The following RNF32 variants were observed in gnomAD, a reference collection of about 807,000 sequenced individuals.
The protein encoded by RNF32 is ring finger protein 32.
RNF32 carries 36 observed loss-of-function variants against 41.0 expected under a neutral mutation model. The ratio of observed to expected loss-of-function variants is 0.88; its 90% CI spans 0.67 to 1.16. RNF32 has a LOEUF of 1.16. Among genes scored for constraint, RNF32 ranks in the 50% most tolerant of loss-of-function variants. The probability of loss-of-function intolerance (pLI) is 0.00; values close to 1 mark genes in which losing one functional copy is unlikely to be tolerated. For synonymous variants in RNF32, 154 were observed against 160.9 expected (o/e 0.96, Z 0.32); for missense variants, 413 against 436.7 (o/e 0.95, Z 0.48).
rs57235616 is a variant in RNF32, at chr7:156,655,239, G to GCACA, written c.417+542_417+545dup. 1.2e-3 allele frequency among the ~76,000 whole-genome samples: 172 copies of GCACA among 148,608 alleles called. 1 individual carries two copies. The South Asian group carries it at 0.019, about 17-fold the overall frequency. On this transcript the variant is annotated intron_variant, in intron 4 of 8. Transcript: ENST00000317955. The stretch of plus-strand genomic sequence containing the variant: ...GTTAACAGATAATATACACGCGCGC[G>GCACA]CACACACACACACACACACACACAG...
chr7:156,665,464 G>C (rs1424118429), intron 7 of RNF32, among the ~76,000 whole-genome samples: 1 of 152,152 alleles, frequency 6.6e-6, no homozygotes, highest in East Asian at 1.9e-4. Flanking sequence ...TTAATGATCT[G>C]GGGAACAACA....
intron 7 of RNF32, among the ~76,000 whole-genome samples, chr7:156,662,279 C>T (rs952115173): frequency 6.6e-6 from 1 of 152,166 alleles, no homozygotes; most frequent in Non-Finnish European, 1.5e-5. Flanking sequence ...TAAACTCATT[C>T]TGTGAGCGAT....
At chr7:156,660,511 AGTT>A (rs1270246347) in intron 7 of RNF32, among the ~76,000 whole-genome samples, 1 of 152,056 alleles carries the variant, frequency 6.6e-6, no homozygotes, top group East Asian at 1.9e-4. Context: ...AAACTGTATA[AGTT>A]GTTTTTTATT....
intron 7 of RNF32, among the ~76,000 whole-genome samples, chr7:156,660,721 TGTAAA>T (rs1257014957): frequency 2.6e-5 from 4 of 152,292 alleles, no homozygotes; most frequent in South Asian, 2.1e-4. Context: ...AACCAAACTC[TGTAAA>T]GTATTTTAAA....
chr7:156,641,880 G>C (rs1193255817), intron 1 of RNF32, among the ~76,000 whole-genome samples: 1 of 152,140 alleles, frequency 6.6e-6, no homozygotes, highest in Non-Finnish European at 1.5e-5. Context: ...AACATCTCTT[G>C]ATGCCAGAAT....
At position 156,670,166 on chromosome 7, in the gene RNF32, G is replaced by A. The variant is rs1420102978; in HGVS notation, c.685-5530G>A. ...ATATTAGAGCATTTAAGTCATACGT[G>A]GAATCACCAAAAGCACACAATTCGT... On this transcript the variant is annotated intron_variant, in intron 7 of 8. Coordinates refer to ENST00000317955, the MANE Select transcript of RNF32 (RefSeq NM_030936.4). This position sits in a 1 kb window ranked among gnomAD's most constrained non-coding sequence, Gnocchi z 4.3. Among the ~76,000 whole-genome samples, 1 of 152,196 alleles carries A rather than the reference G, an allele frequency of 6.6e-6. No homozygotes were observed. Among genetic ancestry groups the A allele is most frequent in the East Asian group, 1.9e-4 (1 of 5,204 alleles).
chr7:156,671,339 A>T (rs187025331), intron 7 of RNF32, among the ~76,000 whole-genome samples: 12 of 152,292 alleles, frequency 7.9e-5, no homozygotes, highest in East Asian at 3.9e-4. Flanking sequence ...TGTGTGTGTG[A>T]GTGTGGTAAC....
intron 3 of RNF32, among the ~76,000 whole-genome samples, chr7:156,650,526 C>T (rs1798577964): frequency 6.6e-6 from 1 of 152,230 alleles, no homozygotes; most frequent in African/African-American, 2.4e-5. Context: ...CCAGAGAGCA[C>T]AGCAGTTTGC....
At chr7:156,654,461 T>C (rs1799288520) in intron 3 of RNF32, 115 bp from the exon 4 acceptor site, 1 of 812,500 alleles carries the variant, frequency 1.2e-6, no homozygotes, top group African/African-American at 1.7e-5. Flanking sequence ...AAATAAAGTA[T>C]GTGATCTATA....
At chr7:156,655,763 A>C (rs375280692) in intron 4 of RNF32, among the ~76,000 whole-genome samples, 1 of 152,120 alleles carries the variant, frequency 6.6e-6, no homozygotes, top group East Asian at 2.0e-4. Context: ...TTTAGCCCTG[A>C]AACCACAAAT....
At chr7:156,642,724 C>T (rs896883383) in intron 1 of RNF32, among the ~76,000 whole-genome samples, 4 of 152,198 alleles carry the variant, frequency 2.6e-5, no homozygotes, top group Non-Finnish European at 5.9e-5. Flanking sequence ...CACTCACACT[C>T]ACTCAGACGG....
intron 4 of RNF32, 119 bp from the exon 5 acceptor site, chr7:156,657,422 A>T (rs1799881412): frequency 3.3e-6 from 3 of 920,776 alleles, no homozygotes; most frequent in Non-Finnish European, 5.4e-6. Flanking sequence ...CAAAGTTATT[A>T]ATTTGCTTTT....
intron 5 of RNF32, 80 bp downstream of exon 5, chr7:156,657,653 C>T (rs1799927656): frequency 1.5e-6 from 2 of 1,374,346 alleles, no homozygotes; most frequent in South Asian, 2.3e-5. Context: ...ATTTTCAAGG[C>T]TCCTAAGGAG....
At chr7:156,672,999 G>A (rs181407905) in intron 7 of RNF32, among the ~76,000 whole-genome samples, 1 of 152,340 alleles carries the variant, frequency 6.6e-6, no homozygotes, top group African/African-American at 2.4e-5. Context: ...GCAGGCCCGG[G>A]GCAAAGCCTG....
chr7:156,675,682 CGCCT>C lies in RNF32; in HGVS notation c.685-13_685-10del, dbSNP rs1563103777. The stretch of plus-strand genomic sequence containing the variant: ...GCTCAGGTGTGAGCTTACCCGCCCC[CGCCT>C]CCTCCTCAGTTCACAGAAATCAGCC... On this transcript the variant is annotated splice_polypyrimidine_tract_variant and intron_variant, in intron 7 of 8. Coordinates refer to ENST00000317955, the MANE Select transcript of RNF32 (RefSeq NM_030936.4). The C allele has an allele frequency of 1.2e-6, 2 of 1,600,624 alleles. No individual in the cohort carries two copies. The highest frequency in any genetic ancestry group is 1.3e-5 in the African/African-American group (1 of 74,604).
At position 156,674,601 on chromosome 7, in the gene RNF32, G is replaced by A. The variant is rs143510435; in HGVS notation, c.685-1095G>A. 3.3e-5 allele frequency among the ~76,000 whole-genome samples: 5 copies of A among 152,262 alleles called. No homozygotes were observed. The East Asian group carries it at 5.8e-4, about 18-fold the overall frequency. On this transcript the variant is annotated intron_variant, in intron 7 of 8. Coordinates refer to ENST00000317955, the MANE Select transcript of RNF32 (RefSeq NM_030936.4). ...TTCTAGTGTAGGATGGCTTGAGCCC[G>A]GGAGGCCGAGGCTGAGTGAGCATTG...
chr7:156,661,684 C>T (rs142844307), intron 7 of RNF32, among the ~76,000 whole-genome samples: 98 of 152,350 alleles, frequency 6.4e-4, no homozygotes, highest in African/African-American at 2.3e-3. Context: ...AGAAACGTAA[C>T]TTTCGCAAAG....
intron 6 of RNF32, 50 bp downstream of exon 6, chr7:156,658,302 G>C: frequency 6.2e-7 from 1 of 1,600,262 alleles, no homozygotes; most frequent in Non-Finnish European, 8.5e-7. Flanking sequence ...ATCAGGCTAT[G>C]ACAACTAACT....
At chr7:156,640,663 T>G, upstream of RNF32, 2 of 328,298 alleles carry the variant, frequency 6.1e-6, no homozygotes, top group Admixed American at 8.7e-5. Flanking sequence ...ATGCGCAGTA[T>G]GGGGCGGGGC....
Sources: gnomAD v4.1 joint callset for allele counts (sites outside exome capture counted in the v4.1 genomes callset) on GRCh38, gnomAD v4.1.1 for gene constraint, Gnocchi (gnomAD v3.1) non-coding constraint, MANE v1.5 for transcripts, NCBI Gene and HGNC (gene_info 2026-07-23, HGNC 2026-07-21) for gene names.